KMT2E: variants seen among roughly 807,000 people sequenced by gnomAD.
KMT2E encodes lysine methyltransferase 2E (inactive).
Under a neutral mutation model 184.6 loss-of-function variants are expected in KMT2E, and 30 were observed. That is an observed-to-expected ratio of 0.16 (90% CI 0.12 to 0.22). The LOEUF is 0.22. KMT2E is among the 10% of genes least tolerant of loss of function. The pLI is 1.00. For missense variants in KMT2E, 2,023 were observed against 2,237.4 expected, an observed-to-expected ratio of 0.90 and a Z score of 1.93; for synonymous variants, 815 against 776.5, an observed-to-expected ratio of 1.05 and a Z score of -0.82.
chr7:105,107,933 A>G lies in KMT2E; in HGVS notation c.3468+8A>G, dbSNP rs1005432843. On this transcript the variant is annotated splice_region_variant and intron_variant, in intron 22 of 26. Coordinates refer to ENST00000311117, the MANE Select transcript of KMT2E (RefSeq NM_182931.3). ...CCACCACAAAAGAAAAAGGTTACAA[A>G]TTTAACAATTTATAGTCCTTTTAAT... is the stretch of plus-strand genomic sequence containing the variant. 1.9e-6 allele frequency: 3 copies of G among 1,561,466 alleles called. 1 individual carries two copies. In the Admixed American group the frequency reaches 6.0e-5, roughly 31 times the overall value.
At chr7:105,072,376 T>C (rs1797359511) in intron 6 of KMT2E, among the ~76,000 whole-genome samples, 1 of 152,150 alleles carries the variant, frequency 6.6e-6, no homozygotes, top group African/African-American at 2.4e-5. Flanking sequence ...GGCAGTTAGT[T>C]GAGAGAGATA....
At chr7:105,051,937 C>T (rs1796368199) in intron 3 of KMT2E, among the ~76,000 whole-genome samples, 1 of 152,100 alleles carries the variant, frequency 6.6e-6, no homozygotes, top group Admixed American at 6.5e-5. Flanking sequence ...TACTGTTGTC[C>T]TCATCCAGGC....
intron 3 of KMT2E, among the ~76,000 whole-genome samples, chr7:105,049,794 C>T (rs999519281): frequency 1.3e-5 from 2 of 151,884 alleles, no homozygotes; most frequent in East Asian, 3.9e-4. Flanking sequence ...CGGAGGCACA[C>T]GCAGGAGAAT....
intron 3 of KMT2E, among the ~76,000 whole-genome samples, chr7:105,058,127 T>C (rs1376237497): frequency 6.6e-6 from 1 of 152,224 alleles, no homozygotes; most frequent in Non-Finnish European, 1.5e-5. Flanking sequence ...ATTGCCTCCT[T>C]CTGGTGTCAT....
chr7:105,113,593 G>T lies in KMT2E; in HGVS notation c.*260G>T. Reference sequence around the variant, plus strand: ...GCAGATCTGATGCTGATTTGATGCTGTATGATCTTTTTTTTTTTTTTAGTT... The same window carrying T: ...GCAGATCTGATGCTGATTTGATGCTTTATGATCTTTTTTTTTTTTTTAGTT... On this transcript the variant is annotated 3_prime_UTR_variant, in exon 27 of 27. Coordinates refer to ENST00000311117, the MANE Select transcript of KMT2E (RefSeq NM_182931.3). 7 of 275,452 alleles carry T rather than the reference G, an allele frequency of 2.5e-5. No homozygotes were observed. Among genetic ancestry groups the T allele is most frequent in the Non-Finnish European group, 2.0e-5 (3 of 150,140 alleles). 17.1% of individuals were successfully genotyped at this position (275,452 alleles called of 1,614,324 possible).
At chr7:105,040,738 C>T (rs1795844208) in intron 2 of KMT2E, 101 bp from the exon 3 acceptor site, 1 of 358,574 alleles carries the variant, frequency 2.8e-6, no homozygotes, top group East Asian at 4.2e-5. Context: ...AAGCAAATTT[C>T]AATTTATATT....
chr7:105,078,785 G>T, intron 11 of KMT2E, 61 bp from the exon 12 acceptor site: 1 of 851,236 alleles, frequency 1.2e-6, no homozygotes. Context: ...TGGAATTACA[G>T]GTGTGAACCA....
chr7:105,060,553 A>G (rs1369061266), intron 3 of KMT2E, among the ~76,000 whole-genome samples: 3 of 151,744 alleles, frequency 2.0e-5, no homozygotes, highest in African/African-American at 7.3e-5. Flanking sequence ...CAACCTCCCA[A>G]GTAGCTAGGA....
At chr7:105,088,338 C>G (rs553102504) in intron 13 of KMT2E, among the ~76,000 whole-genome samples, 1 of 152,302 alleles carries the variant, frequency 6.6e-6, no homozygotes, top group Admixed American at 6.5e-5. Flanking sequence ...GAACGAGTTT[C>G]AAGCTAGTAT....
intron 1 of KMT2E, among the ~76,000 whole-genome samples, chr7:105,035,903 G>T (rs1309737239): frequency 6.6e-6 from 1 of 152,182 alleles, no homozygotes; most frequent in Non-Finnish European, 1.5e-5. Context: ...GCCCACGTTT[G>T]TGGTGTTTTA....
chr7:105,097,278 T>G (rs1465874747), intron 15 of KMT2E, among the ~76,000 whole-genome samples: 1 of 140,136 alleles, frequency 7.1e-6, no homozygotes, highest in Non-Finnish European at 1.7e-5. Context: ...TTGATGCTGA[T>G]TTTTTTTGTA....
At chr7:105,038,801 C>T (rs183179715) in intron 2 of KMT2E, among the ~76,000 whole-genome samples, 70 of 151,784 alleles carry the variant, frequency 4.6e-4, no homozygotes, top group Admixed American at 8.5e-4. Flanking sequence ...CATTTTTAAG[C>T]GATGCGAATT....
intron 15 of KMT2E, among the ~76,000 whole-genome samples, chr7:105,099,845 C>T (rs1798581231): frequency 6.6e-6 from 1 of 152,102 alleles, no homozygotes; most frequent in African/African-American, 2.4e-5. Flanking sequence ...TCAGGTAAAG[C>T]GCAGTTTGGG....
At chr7:105,059,990 T>TGTTTG in intron 3 of KMT2E, among the ~76,000 whole-genome samples, 1 of 66,752 alleles carries the variant, frequency 1.5e-5, no homozygotes, top group Non-Finnish European at 2.4e-5. Context: ...TTTTTTTTTT[T>TGTTTG]TTTTTTTTTT....
chr7:105,052,284 T>G (rs1796383198), intron 3 of KMT2E, among the ~76,000 whole-genome samples: 1 of 152,234 alleles, frequency 6.6e-6, no homozygotes, highest in Non-Finnish European at 1.5e-5. Context: ...TGGATCATTC[T>G]TATGTTCTTG....
chr7:105,056,003 T>C (rs759995272), intron 3 of KMT2E, among the ~76,000 whole-genome samples: 2 of 152,064 alleles, frequency 1.3e-5, no homozygotes, highest in Non-Finnish European at 2.9e-5. Context: ...GAAAGAAAAC[T>C]ATATTATTGT....
intron 3 of KMT2E, 27 bp downstream of exon 3, chr7:105,041,050 C>CAAAAAA (rs58676744): frequency 1.5e-5 from 10 of 671,540 alleles, no homozygotes; most frequent in South Asian, 7.6e-5. Flanking sequence ...GTTACATAAG[C>CAAAAAA]AAAAAAAAAA....
chr7:105,034,091 A>G (rs960660983), intron 1 of KMT2E, among the ~76,000 whole-genome samples: 1 of 152,252 alleles, frequency 6.6e-6, no homozygotes, highest in African/African-American at 2.4e-5. Context: ...TAAAGGCTCC[A>G]CATCGTAACC....
At chr7:105,108,269 G>A (rs1798999787) in intron 22 of KMT2E, among the ~76,000 whole-genome samples, 1 of 151,840 alleles carries the variant, frequency 6.6e-6, no homozygotes, top group African/African-American at 2.4e-5. Flanking sequence ...ATTGTACATT[G>A]AGCAAGCACC....
Sources: allele counts gnomAD v4.1 joint callset (sites outside exome capture counted in the v4.1 genomes callset), GRCh38; gene constraint gnomAD v4.1.1; transcripts MANE v1.5; gene names NCBI Gene and HGNC (gene_info 2026-07-23, HGNC 2026-07-21).